ANKRD13C: variants seen among roughly 807,000 people sequenced by gnomAD.
ANKRD13C encodes the protein ankyrin repeat domain-containing protein 13C.
A neutral mutation model predicts 65.5 loss-of-function variants in ANKRD13C; 16 were observed. The ratio of observed to expected loss-of-function variants is 0.24; its 90% CI spans 0.17 to 0.37. ANKRD13C has a LOEUF of 0.37. Ranked by LOEUF, ANKRD13C falls within the 10% of genes least tolerant of loss-of-function variation. ANKRD13C has a pLI of 1.00. For missense variants in ANKRD13C, 503 were observed against 655.9 expected, an observed-to-expected ratio of 0.77 and a Z score of 2.55; for synonymous variants, 235 against 238.7, an observed-to-expected ratio of 0.98 and a Z score of 0.14.
chr1:70,294,074 A>G (rs949790896), intron 8 of ANKRD13C, among the ~76,000 whole-genome samples: 2 of 152,228 alleles, frequency 1.3e-5, no homozygotes, highest in Admixed American at 1.3e-4. Context: ...AAAAGAGTGA[A>G]CTAGCACTAC....
rs1409824763 is a variant in ANKRD13C, at chr1:70,306,256, T to C, written c.744A>G (p.Ala248=). 1.9e-6 allele frequency: 3 copies of C among 1,583,636 alleles called. No individual in the cohort carries two copies. The highest frequency in any genetic ancestry group is 1.7e-6 in the Non-Finnish European group (2 of 1,163,228). Residue 248 remains alanine (A), a synonymous_variant, in exon 6 of 13, where the codon GCA becomes GCG. Transcript: ENST00000370944. ...PLLSRILPSD[A]CKIYKQGINI... ...TGATACCTTGTTTGTATATTTTACA[T>C]GCATCGGAAGGCAGAATTCGGGAAA...
intron 3 of ANKRD13C, among the ~76,000 whole-genome samples, chr1:70,319,085 A>G (rs1681196034): frequency 6.6e-6 from 1 of 152,112 alleles, no homozygotes; most frequent in Admixed American, 6.5e-5. Context: ...TTTGTTCTAA[A>G]TATCTCTTGC....
chr1:70,292,793 A>G (rs960037523), intron 8 of ANKRD13C, among the ~76,000 whole-genome samples: 7 of 152,206 alleles, frequency 4.6e-5, no homozygotes, highest in Non-Finnish European at 1.0e-4. Context: ...ATACATAAAA[A>G]TGTATGGTAG....
chr1:70,276,803 A>G lies in ANKRD13C; in HGVS notation c.1257T>C (p.Thr419=). 8.7e-6 allele frequency: 14 copies of G among 1,605,048 alleles called. No homozygotes were observed. Among genetic ancestry groups the G allele is most frequent in the Non-Finnish European group, 1.2e-5 (14 of 1,177,654 alleles). ...RQSLTPPPQN[T]ITWEEYISAE... Reference sequence around the variant, plus strand: ...CAGATATATATTCTTCCCATGTAATAGTGTTCTGAGGAGGAGGTGTAAGAG... The same window carrying G: ...CAGATATATATTCTTCCCATGTAATGGTGTTCTGAGGAGGAGGTGTAAGAG... The change falls in exon 10 of 13, where the codon ACT becomes ACC. Residue 419 remains threonine (T), a synonymous_variant. Transcript: ENST00000370944.
intron 1 of ANKRD13C, among the ~76,000 whole-genome samples, chr1:70,336,846 C>T (rs1682060293): frequency 6.6e-6 from 1 of 152,048 alleles, no homozygotes; most frequent in Admixed American, 6.6e-5. Context: ...GAAAGCTGTG[C>T]TATGAAGTTT....
chr1:70,310,807 C>T (rs908825331), intron 5 of ANKRD13C, among the ~76,000 whole-genome samples: 3 of 152,134 alleles, frequency 2.0e-5, no homozygotes, highest in Admixed American at 6.6e-5. Flanking sequence ...TGGGGTCTCC[C>T]CACATGGGAA....
chr1:70,276,044 A>G (rs1397291618), intron 10 of ANKRD13C, among the ~76,000 whole-genome samples: 1 of 151,776 alleles, frequency 6.6e-6, no homozygotes, highest in African/African-American at 2.4e-5. Flanking sequence ...AAAACTTTCA[A>G]TAAGAAAAAA....
chr1:70,344,510 T>C (rs1682447558), intron 1 of ANKRD13C, among the ~76,000 whole-genome samples: 1 of 152,054 alleles, frequency 6.6e-6, no homozygotes, highest in African/African-American at 2.4e-5. Context: ...ATGGCTGGCA[T>C]TTAATGGGTA....
In ANKRD13C at chr1:70,262,739, G is replaced by C. The variant is rs1018194646; in HGVS notation, c.1604C>G (p.Pro535Arg). Residue 535 changes from proline to arginine, a missense_variant, in exon 13 of 13, where the codon CCA becomes CGA. Transcript: ENST00000370944. The part of the protein sequence containing the change: ...FTIPDDYKED[P>R]SRFPDL ...CAGTTAAAGATCAGGAAAACGGCTT[G>C]GGTCTTCCTTGTAGTCATCAGGTAT... 14 of 1,612,336 alleles carry C rather than the reference G, an allele frequency of 8.7e-6. No individual in the cohort carries two copies. Among genetic ancestry groups the C allele is most frequent in the Non-Finnish European group, 1.2e-5 (14 of 1,178,914 alleles).
intron 3 of ANKRD13C, among the ~76,000 whole-genome samples, chr1:70,323,008 T>A (rs1034387465): frequency 2.0e-5 from 3 of 151,848 alleles, no homozygotes; most frequent in African/African-American, 7.2e-5. Flanking sequence ...AAAAAAAGAA[T>A]AATTGAAAGT....
chr1:70,281,051 C>T (rs1264019380), intron 9 of ANKRD13C, among the ~76,000 whole-genome samples: 1 of 151,920 alleles, frequency 6.6e-6, no homozygotes, highest in Non-Finnish European at 1.5e-5. Context: ...GTGTTACTAC[C>T]TAAGACAGAG....
At chr1:70,309,321 G>T (rs899013246) in intron 5 of ANKRD13C, among the ~76,000 whole-genome samples, 1 of 151,366 alleles carries the variant, frequency 6.6e-6, no homozygotes, top group Admixed American at 6.6e-5. Flanking sequence ...TGATCCACCC[G>T]CCTTGGCCTC....
chr1:70,328,654 T>C (rs563775616), intron 2 of ANKRD13C, among the ~76,000 whole-genome samples: 10 of 152,230 alleles, frequency 6.6e-5, no homozygotes, highest in African/African-American at 2.2e-4. Context: ...AGAGAGAGAC[T>C]GACTCAATAA....
intron 12 of ANKRD13C, 96 bp from the exon 13 acceptor site, chr1:70,262,943 T>TAAAAAAA (rs34241203): frequency 7.8e-5 from 36 of 460,538 alleles, no homozygotes; most frequent in Admixed American, 3.0e-4. Flanking sequence ...CCTTAAAATG[T>TAAAAAAA]AAAAAAAAAA....
chr1:70,333,222 G>C (rs1403786731), intron 2 of ANKRD13C, among the ~76,000 whole-genome samples: 1 of 152,074 alleles, frequency 6.6e-6, no homozygotes, highest in Non-Finnish European at 1.5e-5. Context: ...GTTGTGGTAA[G>C]AGTTAAATGA....
chr1:70,306,379 C>A, intron 5 of ANKRD13C, 89 bp from the exon 6 acceptor site: 1 of 727,662 alleles, frequency 1.4e-6, no homozygotes, highest in South Asian at 2.5e-5. Context: ...ATGTGACATT[C>A]TGTTATCAAA....
chr1:70,304,927 A>G (rs1229655910), intron 6 of ANKRD13C, among the ~76,000 whole-genome samples: 1 of 152,158 alleles, frequency 6.6e-6, no homozygotes, highest in African/African-American at 2.4e-5. Context: ...TTTAAGGTAC[A>G]TGAGCACTTT....
At chr1:70,302,488 A>T (rs1056000610) in intron 6 of ANKRD13C, among the ~76,000 whole-genome samples, 1 of 110,814 alleles carries the variant, frequency 9.0e-6, no homozygotes, top group African/African-American at 4.0e-5. Context: ...GCACTTTGGG[A>T]GGCCAAGGCG....
At chr1:70,339,811 GTTTATTATTATTA>G (rs1185620406) in intron 1 of ANKRD13C, among the ~76,000 whole-genome samples, 1 of 125,702 alleles carries the variant, frequency 8.0e-6, no homozygotes, top group African/African-American at 3.0e-5. Flanking sequence ...TGATCAGTAC[GTTTATTATTATTA>G]TTATTATTAT....
Sources: allele counts gnomAD v4.1 joint callset (sites outside exome capture counted in the v4.1 genomes callset), GRCh38; gene constraint gnomAD v4.1.1; transcripts MANE v1.5; gene names NCBI Gene and HGNC (gene_info 2026-07-23, HGNC 2026-07-21).